Variants in SMYD3 observed in about 807,000 individuals in gnomAD.
SMYD3 encodes histone-lysine N-methyltransferase SMYD3.
In SMYD3, 36 loss-of-function variants were observed where a neutral mutation model predicts 57.7. That is an observed-to-expected ratio of 0.62 (90% CI 0.48 to 0.82). SMYD3 has a LOEUF of 0.82. Among genes scored for constraint, SMYD3 ranks in the 40% least tolerant of loss-of-function variants. The pLI, the probability that SMYD3 is intolerant of heterozygous loss-of-function variation, is 0.00. For missense variants in SMYD3, 515 were observed against 538.8 expected (o/e 0.96, Z 0.44); for synonymous variants, 211 against 195.0 (o/e 1.08, Z -0.68).
intron 10 of SMYD3, among the ~76,000 whole-genome samples, chr1:245,854,463 T>A (rs538478481): frequency 6.6e-6 from 1 of 152,286 alleles, no homozygotes; most frequent in South Asian, 2.1e-4. Flanking sequence ...TTATGGCATA[T>A]CCATGAGATG....
At chr1:246,348,117 A>G (rs1436166166) in intron 2 of SMYD3, among the ~76,000 whole-genome samples, 1 of 129,852 alleles carries the variant, frequency 7.7e-6, no homozygotes, top group Non-Finnish European at 1.7e-5. Context: ...ATAAAAAAGA[A>G]TAAAATCATG....
intron 1 of SMYD3, among the ~76,000 whole-genome samples, chr1:246,363,251 G>A (rs1347736994): frequency 2.0e-5 from 3 of 151,020 alleles, no homozygotes; most frequent in Non-Finnish European, 4.4e-5. Context: ...GGAGGGAGGT[G>A]GGGGTTAGCC....
chr1:245,817,049 C>T (rs1028465729), intron 10 of SMYD3, among the ~76,000 whole-genome samples: 81 of 151,642 alleles, frequency 5.3e-4, no homozygotes, highest in Non-Finnish European at 4.9e-4. Flanking sequence ...CCCACCACAG[C>T]TCAAGGAGGC....
In SMYD3 at chr1:246,384,772, G is replaced by A. The variant is rs1269466866; in HGVS notation, c.165-29678C>T. ...TACTGTCCTTAAAAAGCCTAGGTTT[G>A]GAAGAAAAATTATAATGGGAAACAT... On this transcript the variant is annotated intron_variant, in intron 1 of 11. Coordinates refer to ENST00000490107, the MANE Select transcript of SMYD3 (RefSeq NM_001167740.2). Among the ~76,000 whole-genome samples, 9 of 152,182 alleles carry A rather than the reference G, an allele frequency of 5.9e-5. No homozygotes were observed. In the East Asian group the frequency reaches 1.7e-3, roughly 29 times the overall value.
chr1:246,015,410 G>C (rs1339122650), intron 5 of SMYD3, among the ~76,000 whole-genome samples: 6 of 152,096 alleles, frequency 3.9e-5, no homozygotes, highest in Admixed American at 2.6e-4. Context: ...TCTAACAACT[G>C]TATGGCATTT....
chr1:246,068,189 G>A (rs1441160460), intron 5 of SMYD3, among the ~76,000 whole-genome samples: 1 of 151,590 alleles, frequency 6.6e-6, no homozygotes, highest in African/African-American at 2.4e-5. Context: ...GAAGTGTTTA[G>A]TGTGAAAAAA....
intron 1 of SMYD3, among the ~76,000 whole-genome samples, chr1:246,492,002 A>T (rs937098924): frequency 1.3e-5 from 2 of 152,230 alleles, no homozygotes; most frequent in Non-Finnish European, 2.9e-5. Flanking sequence ...GGATGGTGGC[A>T]GTAGGAATAG....
Position 246,201,571 on chromosome 1 carries a change from G to A in SMYD3, c.531+125630C>T, listed in dbSNP as rs113732170. Among the ~76,000 whole-genome samples, 436 of 152,302 alleles carry A rather than the reference G, an allele frequency of 2.9e-3. 3 individuals are homozygous for A. Among genetic ancestry groups the A allele is most frequent in the African/African-American group, 0.01 (418 of 41,566 alleles). ...AAAGGAGGAAGTATCAGCAAAATGA[G>A]GATGACAATGTTCAGATGAAACCCA... On this transcript the variant is annotated intron_variant, in intron 5 of 11. Transcript: ENST00000490107.
chr1:246,345,378 T>C (rs1040945016), intron 2 of SMYD3, among the ~76,000 whole-genome samples: 1 of 152,228 alleles, frequency 6.6e-6, no homozygotes, highest in African/African-American at 2.4e-5. Flanking sequence ...TGTGTAGGGC[T>C]ATAGTTTTTA....
intron 5 of SMYD3, among the ~76,000 whole-genome samples, chr1:246,019,691 T>C (rs974754453): frequency 6.6e-6 from 1 of 152,176 alleles, no homozygotes; most frequent in Non-Finnish European, 1.5e-5. Flanking sequence ...CTATCTTAAA[T>C]GCCAATGAAA....
intron 10 of SMYD3, among the ~76,000 whole-genome samples, chr1:245,799,391 G>A (rs966030360): frequency 8.4e-5 from 12 of 142,098 alleles, no homozygotes; most frequent in African/African-American, 3.2e-4. Context: ...CCCAAAAACT[G>A]GGTTCTCTAA....
At chr1:245,795,586 A>G (rs867508460) in intron 10 of SMYD3, among the ~76,000 whole-genome samples, 1 of 152,094 alleles carries the variant, frequency 6.6e-6, no homozygotes, top group Non-Finnish European at 1.5e-5. Flanking sequence ...TCCCATTGTT[A>G]TATTTTGTCT....
chr1:245,833,073 A>AAAAAAAAAAAAAAAAAAAAAACAAC, intron 10 of SMYD3, among the ~76,000 whole-genome samples: 3 of 128,664 alleles, frequency 2.3e-5, no homozygotes, highest in African/African-American at 3.0e-5. Flanking sequence ...AAAAAAAAAA[A>AAAAAAAAAAAAAAAAAAAAAACAAC]AACCTGCTTT....
chr1:245,904,512 T>C (rs2054418970), intron 8 of SMYD3, among the ~76,000 whole-genome samples: 1 of 152,098 alleles, frequency 6.6e-6, no homozygotes, highest in Admixed American at 6.5e-5. Context: ...CAAACCAAAC[T>C]CACCTGATGT....
chr1:246,261,543 C>A (rs1410007847), intron 5 of SMYD3, among the ~76,000 whole-genome samples: 2 of 151,842 alleles, frequency 1.3e-5, no homozygotes, highest in Non-Finnish European at 2.9e-5. Flanking sequence ...AGAATTTAAA[C>A]AATCACACAT....
At chr1:246,025,090 T>G (rs952366873) in intron 5 of SMYD3, among the ~76,000 whole-genome samples, 2 of 141,446 alleles carry the variant, frequency 1.4e-5, no homozygotes, top group Non-Finnish European at 3.0e-5. Context: ...ATACAGGAAG[T>G]GGACAGCATC....
intron 10 of SMYD3, among the ~76,000 whole-genome samples, chr1:245,832,234 G>C (rs1934580): frequency 0.97 from 147,777 of 152,270 alleles, 71,884 homozygotes; most frequent in East Asian, 1. Context: ...CTCAATAAAA[G>C]ATGTCTGCCT....
At chr1:246,503,002 G>T (rs2068480865) in intron 1 of SMYD3, among the ~76,000 whole-genome samples, 1 of 152,098 alleles carries the variant, frequency 6.6e-6, no homozygotes, top group East Asian at 1.9e-4. Flanking sequence ...GCCCGTGTTG[G>T]CCTATCACTA....
chr1:245,859,989 A>C (rs2051449407), intron 9 of SMYD3, among the ~76,000 whole-genome samples: 1 of 152,208 alleles, frequency 6.6e-6, no homozygotes, highest in Non-Finnish European at 1.5e-5. Flanking sequence ...AGCCAGGGAG[A>C]GTTCCAGGTG....
Sources: gnomAD v4.1 joint callset for allele counts (sites outside exome capture counted in the v4.1 genomes callset) on GRCh38, gnomAD v4.1.1 for gene constraint, MANE v1.5 for transcripts, NCBI Gene and HGNC (gene_info 2026-07-23, HGNC 2026-07-21) for gene names.